Variants in AFF2 observed in about 807,000 individuals in gnomAD.
AFF2 encodes the protein ALF transcription elongation factor 2, also known as AF4/FMR2 family member 2.
In AFF2, 14 loss-of-function variants were observed where a neutral mutation model predicts 76.9. The ratio of observed to expected loss-of-function variants is 0.18; its 90% CI spans 0.12 to 0.28. The LOEUF (loss-of-function observed/expected upper bound fraction) is 0.28. AFF2 is among the 10% of genes least tolerant of loss of function. The pLI is 1.00. For missense variants in AFF2, 868 were observed against 1,001.1 expected (o/e 0.87, Z 1.79); for synonymous variants, 398 against 366.7 (o/e 1.09, Z -0.98).
At chrX:148,809,351 C>A (rs782063226) in intron 3 of AFF2, among the ~76,000 whole-genome samples, 2 of 111,931 alleles carry the variant, frequency 1.8e-5, no homozygotes, top group Non-Finnish European at 3.8e-5. Flanking sequence ...GGGAAAAATG[C>A]ATCATGGGAT....
chrX:148,541,211 T>TGAGGA (rs781785788), intron 1 of AFF2, among the ~76,000 whole-genome samples: 46 of 112,657 alleles, frequency 4.1e-4, no homozygotes, highest in Non-Finnish European at 7.1e-4. Context: ...TTTGTGATTG[T>TGAGGA]TGCTATAGTT....
chrX:148,681,536 ATG>A (rs35711893), intron 3 of AFF2, among the ~76,000 whole-genome samples: 4,386 of 97,855 alleles, frequency 0.045, 162 homozygotes, highest in African/African-American at 0.11. Context: ...GTGCTAAAAG[ATG>A]TGTGTGTGTG....
chrX:148,754,526 C>T (rs2055538085), intron 3 of AFF2, among the ~76,000 whole-genome samples: 1 of 110,963 alleles, frequency 9.0e-6, no homozygotes, highest in African/African-American at 3.3e-5. Context: ...TATCTATGGG[C>T]TTCTTCTAGG....
chrX:148,907,082 A>C (rs1460669313), intron 9 of AFF2, among the ~76,000 whole-genome samples: 1 of 111,858 alleles, frequency 8.9e-6, no homozygotes, highest in African/African-American at 3.3e-5. Flanking sequence ...CAGAGAATAA[A>C]AGGCCCGCCC....
At chrX:148,768,203 C>T (rs1016528139) in intron 3 of AFF2, among the ~76,000 whole-genome samples, 1 of 109,045 alleles carries the variant, frequency 9.2e-6, no homozygotes, top group Admixed American at 1.0e-4. Flanking sequence ...ATCACCCTCA[C>T]CCCCAAATCC....
chrX:148,866,640 G>A (rs149334615), intron 7 of AFF2, among the ~76,000 whole-genome samples: 1 of 112,721 alleles, frequency 8.9e-6, no homozygotes, highest in Non-Finnish European at 1.9e-5. Context: ...TGAGTAGCAT[G>A]CTGAAGGAAC....
chrX:148,539,943 A>G (rs924319143), intron 1 of AFF2, among the ~76,000 whole-genome samples: 21 of 111,576 alleles, frequency 1.9e-4, no homozygotes, highest in African/African-American at 6.5e-4. Flanking sequence ...TCACTTTGAA[A>G]GTTTTGGTCT....
At chrX:148,702,605 C>A (rs957026951) in intron 3 of AFF2, among the ~76,000 whole-genome samples, 8 of 111,637 alleles carry the variant, frequency 7.2e-5, no homozygotes, top group Non-Finnish European at 1.5e-4. Context: ...AAAGCCCTTC[C>A]AGATATCTCC....
intron 9 of AFF2, among the ~76,000 whole-genome samples, chrX:148,907,801 A>C (rs782339379): frequency 9.0e-6 from 1 of 111,301 alleles, no homozygotes; most frequent in African/African-American, 3.3e-5. Context: ...GAGAGCAGAC[A>C]ACCAGTCTGA....
chrX:148,781,976 C>T (rs781913736), intron 3 of AFF2, among the ~76,000 whole-genome samples: 13 of 111,028 alleles, frequency 1.2e-4, no homozygotes, highest in Non-Finnish European at 2.5e-4. Flanking sequence ...GATGAGGCGA[C>T]GCCCCATCCT....
chrX:148,905,334 C>T (rs1351561948), intron 9 of AFF2, among the ~76,000 whole-genome samples: 2 of 111,751 alleles, frequency 1.8e-5, no homozygotes, highest in African/African-American at 3.3e-5. Context: ...GAGGGGCATC[C>T]GTAGTCTGGA....
At chrX:148,858,869 T>G (rs2070815352) in intron 7 of AFF2, among the ~76,000 whole-genome samples, 1 of 109,767 alleles carries the variant, frequency 9.1e-6, no homozygotes, top group African/African-American at 3.3e-5. Context: ...CAATTAGAAT[T>G]CCTCAAAATG....
intron 1 of AFF2, among the ~76,000 whole-genome samples, chrX:148,651,672 C>T (rs1050730556): frequency 6.3e-5 from 7 of 111,584 alleles, no homozygotes; most frequent in Admixed American, 2.9e-4. Flanking sequence ...AATTCAGTAC[C>T]TTTCTGCACT....
chrX:148,709,677 G>A (rs1055824528), intron 3 of AFF2, among the ~76,000 whole-genome samples: 16 of 111,907 alleles, frequency 1.4e-4, no homozygotes, highest in African/African-American at 4.5e-4. Flanking sequence ...ACACACACTC[G>A]CAGGCAAGTG....
intron 6 of AFF2, 139 bp downstream of exon 6, chrX:148,843,141 C>G: frequency 3.8e-6 from 2 of 526,440 alleles, no homozygotes; most frequent in Non-Finnish European, 3.0e-6. Flanking sequence ...TAATTTTTAG[C>G]TCTCAGAAAT....
chrX:148,901,639 A>G (rs2071356461), intron 8 of AFF2, among the ~76,000 whole-genome samples: 1 of 112,186 alleles, frequency 8.9e-6, no homozygotes, highest in Admixed American at 9.4e-5. Flanking sequence ...CCATCATTTC[A>G]AAAGAGAAAT....
intron 9 of AFF2, among the ~76,000 whole-genome samples, chrX:148,909,021 C>T (rs186502000): frequency 3.7e-4 from 41 of 111,740 alleles, no homozygotes; most frequent in African/African-American, 1.2e-3. Flanking sequence ...GTTGGTGAGG[C>T]AGAAAAAAGC....
At chrX:148,509,569 T>C (rs898725068) in intron 1 of AFF2, among the ~76,000 whole-genome samples, 3 of 111,611 alleles carry the variant, frequency 2.7e-5, no homozygotes, top group African/African-American at 9.8e-5. Context: ...TGAAAATGTG[T>C]TTTTTTTCTG....
At chrX:148,705,996 C>A (rs2054880120) in intron 3 of AFF2, among the ~76,000 whole-genome samples, 1 of 111,484 alleles carries the variant, frequency 9.0e-6, no homozygotes, top group South Asian at 3.8e-4. Context: ...TTGGGAGGAG[C>A]CCTCCTTATC....
Sources: gnomAD v4.1 joint callset for allele counts (sites outside exome capture counted in the v4.1 genomes callset) on GRCh38, gnomAD v4.1.1 for gene constraint, MANE v1.5 for transcripts, NCBI Gene and HGNC (gene_info 2026-07-23, HGNC 2026-07-21) for gene names.